The following KIFAP3 variants were observed in gnomAD, a reference collection of about 807,000 sequenced individuals.
The protein encoded by KIFAP3 is kinesin associated protein 3.
In KIFAP3, 68 loss-of-function variants were observed where a neutral mutation model predicts 106.5. The ratio of observed to expected loss-of-function variants is 0.64; its 90% CI spans 0.53 to 0.78. KIFAP3 has a LOEUF of 0.78. KIFAP3 is among the 30% of genes least tolerant of loss of function. The pLI is 0.00. For missense variants in KIFAP3, 780 were observed against 941.8 expected, an observed-to-expected ratio of 0.83 and a Z score of 2.25; for synonymous variants, 320 against 311.5, an observed-to-expected ratio of 1.03 and a Z score of -0.29.
At chr1:170,076,063 T>A (rs1047901523), upstream of KIFAP3, among the ~76,000 whole-genome samples, 1 of 152,172 alleles carries the variant, frequency 6.6e-6, no homozygotes, top group African/African-American at 2.4e-5. Flanking sequence ...TACATTAAAA[T>A]GCATAGATAA....
At chr1:169,923,158 T>C (rs1458954981) in intron 19 of KIFAP3, 1 of 883,306 alleles carries the variant, frequency 1.1e-6, no homozygotes, top group East Asian at 1.2e-4. Context: ...ACAAAATTTG[T>C]TGTTTTGGGG....
chr1:169,961,260 T>G, intron 17 of KIFAP3, 25 bp from the exon 18 acceptor site: 1 of 1,580,626 alleles, frequency 6.3e-7, no homozygotes, highest in South Asian at 1.1e-5. Flanking sequence ...CAGTCAACTG[T>G]TATTATATAA....
At chr1:170,033,118 G>A (rs971272113) in intron 7 of KIFAP3, among the ~76,000 whole-genome samples, 11 of 151,708 alleles carry the variant, frequency 7.3e-5, no homozygotes, top group African/African-American at 1.9e-4. Context: ...GGTTGTTGAT[G>A]TAGTTGAGTC....
chr1:169,927,729 TGAGCAACAGA>T (rs1663222248), intron 19 of KIFAP3, among the ~76,000 whole-genome samples: 2 of 152,178 alleles, frequency 1.3e-5, no homozygotes, highest in Non-Finnish European at 2.9e-5. Flanking sequence ...TGGAGCAGCC[TGAGCAACAGA>T]GAGGAGTGGC....
At chr1:170,025,007 T>C (rs1183517030) in intron 8 of KIFAP3, among the ~76,000 whole-genome samples, 1 of 152,160 alleles carries the variant, frequency 6.6e-6, no homozygotes, top group Non-Finnish European at 1.5e-5. Flanking sequence ...CATAAAACTT[T>C]AATAACTAAA....
At position 169,927,246 on chromosome 1, in the gene KIFAP3, A is replaced by G. The variant is rs376648130; in HGVS notation, c.2274-5465T>C. Among the ~76,000 whole-genome samples the G allele has an allele frequency of 1.4e-4, 21 of 152,318 alleles. No individual in the cohort carries two copies. The East Asian group carries it at 3.5e-3, about 25-fold the overall frequency. The stretch of plus-strand genomic sequence containing the variant: ...AAGTATAGTTTTTGAAGCCAAGGAA[A>G]AAACATGGTGCTGGGAAGGCAATAA... On this transcript the variant is annotated intron_variant, in intron 19 of 19. Coordinates refer to ENST00000361580, the MANE Select transcript of KIFAP3 (RefSeq NM_014970.4).
At chr1:170,008,889 C>A (rs1668103606) in intron 10 of KIFAP3, among the ~76,000 whole-genome samples, 1 of 152,102 alleles carries the variant, frequency 6.6e-6, no homozygotes. Flanking sequence ...CAATGATAGA[C>A]TGGATAAAGA....
At chr1:169,984,764 T>A in intron 11 of KIFAP3, 74 bp from the exon 12 acceptor site, 2 of 729,496 alleles carry the variant, frequency 2.7e-6, no homozygotes, top group Non-Finnish European at 4.8e-6. Flanking sequence ...AATATTTTTA[T>A]CATAATGTGT....
intron 16 of KIFAP3, among the ~76,000 whole-genome samples, chr1:169,975,950 T>G (rs1314679911): frequency 6.6e-6 from 1 of 152,106 alleles, no homozygotes; most frequent in Non-Finnish European, 1.5e-5. Flanking sequence ...AAGTATTGAC[T>G]CCAGATTTAG....
intron 10 of KIFAP3, among the ~76,000 whole-genome samples, chr1:170,014,221 G>A (rs910762200): frequency 2.0e-5 from 3 of 152,058 alleles, no homozygotes; most frequent in Admixed American, 1.3e-4. Context: ...ATAACCTACC[G>A]AGCTCAAAAG....
chr1:169,953,722 G>T (rs553700371), intron 19 of KIFAP3, among the ~76,000 whole-genome samples: 25 of 152,180 alleles, frequency 1.6e-4, no homozygotes, highest in Non-Finnish European at 2.8e-4. Flanking sequence ...CACCGCGTTA[G>T]CCAGGATGGT....
chr1:169,970,750 T>C (rs1665878305), intron 17 of KIFAP3, among the ~76,000 whole-genome samples: 1 of 152,078 alleles, frequency 6.6e-6, no homozygotes, highest in Non-Finnish European at 1.5e-5. Context: ...TAGCCATTAC[T>C]AATGCTAACT....
intron 9 of KIFAP3, among the ~76,000 whole-genome samples, chr1:170,016,974 T>C (rs1571671263): frequency 1.3e-5 from 2 of 152,238 alleles, no homozygotes; most frequent in South Asian, 4.1e-4. Flanking sequence ...TAAAAGGAGA[T>C]GAGGCTGGGC....
At chr1:170,004,263 T>A (rs1420557128) in intron 10 of KIFAP3, among the ~76,000 whole-genome samples, 1 of 152,058 alleles carries the variant, frequency 6.6e-6, no homozygotes, top group African/African-American at 2.4e-5. Flanking sequence ...ATAAATATTG[T>A]GAAAATGGCC....
At chr1:170,013,022 A>C (rs1668318157) in intron 10 of KIFAP3, among the ~76,000 whole-genome samples, 1 of 152,032 alleles carries the variant, frequency 6.6e-6, no homozygotes. Context: ...ACACAGCCAA[A>C]CCATACAGTG....
chr1:169,929,695 C>T (rs1663355773), intron 19 of KIFAP3, among the ~76,000 whole-genome samples: 2 of 152,080 alleles, frequency 1.3e-5, no homozygotes, highest in Admixed American at 6.5e-5. Context: ...CCTTTTATTA[C>T]AATAAAACTA....
rs1224140133 is a variant in KIFAP3 at position 169,955,221 on chromosome 1, A to T, written c.2174-1111T>A. Among the ~76,000 whole-genome samples the T allele has an allele frequency of 2.6e-5, 4 of 152,190 alleles. No individual in the cohort carries two copies. In the East Asian group the frequency reaches 7.7e-4, roughly 29 times the overall value. ...GGCACACAGTATAGGCAAATTATTCAATCACCAAATGATTATTTTATACTT... is the reference window on the plus strand; with the variant it reads ...GGCACACAGTATAGGCAAATTATTCTATCACCAAATGATTATTTTATACTT... On this transcript the variant is annotated intron_variant, in intron 18 of 19. Coordinates refer to ENST00000361580, the MANE Select transcript of KIFAP3 (RefSeq NM_014970.4).
intron 8 of KIFAP3, among the ~76,000 whole-genome samples, chr1:170,028,230 T>C (rs150226210): frequency 6.6e-6 from 1 of 152,220 alleles, no homozygotes; most frequent in East Asian, 1.9e-4. Flanking sequence ...TCAATGGAAA[T>C]GGTAACTCTA....
chr1:169,989,957 A>C, intron 11 of KIFAP3: 1 of 1,201,034 alleles, frequency 8.3e-7, no homozygotes. Context: ...TAGACAAGGA[A>C]TTATGTAGTA....
Sources: allele counts gnomAD v4.1 joint callset (sites outside exome capture counted in the v4.1 genomes callset), GRCh38; gene constraint gnomAD v4.1.1; transcripts MANE v1.5; gene names NCBI Gene and HGNC (gene_info 2026-07-23, HGNC 2026-07-21).